NRG3: variants seen among roughly 807,000 people sequenced by gnomAD.
NRG3 encodes pro-neuregulin-3, membrane-bound isoform.
NRG3 carries 31 observed loss-of-function variants against 66.9 expected under a neutral mutation model. That is an observed-to-expected ratio of 0.46 (90% confidence interval 0.35 to 0.63). The LOEUF is 0.63. Among genes scored for constraint, NRG3 ranks in the 20% least tolerant of loss-of-function variants. The probability of loss-of-function intolerance (pLI) is 0.00; values close to 1 mark genes in which losing one functional copy is unlikely to be tolerated. For missense variants in NRG3, 910 were observed against 878.9 expected (o/e 1.04, Z -0.45); for synonymous variants, 393 against 359.4 (o/e 1.09, Z -1.06).
intron 2 of NRG3, among the ~76,000 whole-genome samples, chr10:82,677,512 T>C (rs1195621563): frequency 6.6e-6 from 1 of 152,188 alleles, no homozygotes. Context: ...CTTGCTTTTT[T>C]CTCATCTTTC....
chr10:82,082,199 A>T (rs1486648730), intron 1 of NRG3, among the ~76,000 whole-genome samples: 2 of 152,160 alleles, frequency 1.3e-5, no homozygotes, highest in African/African-American at 4.8e-5. Flanking sequence ...TGTAAGAAAA[A>T]TGTCCCACTC....
intron 2 of NRG3, among the ~76,000 whole-genome samples, chr10:82,711,176 T>C (rs908126618): frequency 1.3e-5 from 2 of 152,194 alleles, no homozygotes; most frequent in African/African-American, 4.8e-5. Flanking sequence ...ACTTCTGGGC[T>C]CAAGTGATCT....
At chr10:82,520,516 C>T (rs376150662) in intron 2 of NRG3, among the ~76,000 whole-genome samples, 2 of 152,034 alleles carry the variant, frequency 1.3e-5, no homozygotes, top group South Asian at 4.2e-4. Flanking sequence ...TCATCTCAAC[C>T]AGCTTCTCTC....
At chr10:81,961,678 T>C (rs748587271) in intron 1 of NRG3, among the ~76,000 whole-genome samples, 2 of 152,262 alleles carry the variant, frequency 1.3e-5, no homozygotes, top group Non-Finnish European at 2.9e-5. Context: ...GAAACAGCTT[T>C]AACTGTGTCC....
At chr10:82,028,758 A>G (rs1174178320) in intron 1 of NRG3, among the ~76,000 whole-genome samples, 1 of 152,046 alleles carries the variant, frequency 6.6e-6, no homozygotes, top group Non-Finnish European at 1.5e-5. Flanking sequence ...CAGTTCCTGG[A>G]TGTATTGTAT....
chr10:81,982,835 G>A (rs1232276599), intron 1 of NRG3, among the ~76,000 whole-genome samples: 2 of 152,142 alleles, frequency 1.3e-5, no homozygotes, highest in Non-Finnish European at 2.9e-5. Flanking sequence ...CTGGGAGTTA[G>A]CGTTTCAACA....
intron 1 of NRG3, among the ~76,000 whole-genome samples, chr10:82,075,954 TA>T (rs35298857): frequency 0.036 from 5,240 of 147,444 alleles, 118 homozygotes; most frequent in East Asian, 0.1. Flanking sequence ...TAAACATAGT[TA>T]AAAAAAAAAA....
chr10:82,775,206 A>G (rs2059866291), intron 3 of NRG3, among the ~76,000 whole-genome samples: 1 of 143,866 alleles, frequency 7.0e-6, no homozygotes, highest in Admixed American at 6.8e-5. Context: ...AGGGCTATAT[A>G]TTTGGGATCT....
chr10:82,659,884 A>G (rs913577722), intron 2 of NRG3, among the ~76,000 whole-genome samples: 1 of 151,932 alleles, frequency 6.6e-6, no homozygotes, highest in Non-Finnish European at 1.5e-5. Flanking sequence ...CACAGTTGCT[A>G]AAGGAGGACA....
chr10:82,832,668 T>A (rs1045426104), intron 3 of NRG3, among the ~76,000 whole-genome samples: 11 of 152,170 alleles, frequency 7.2e-5, no homozygotes, highest in African/African-American at 2.4e-4. Context: ...TTTATATAAA[T>A]AACTTTGCAA....
chr10:82,970,007 A>G (rs1247513910), intron 6 of NRG3, among the ~76,000 whole-genome samples: 2 of 152,086 alleles, frequency 1.3e-5, no homozygotes, highest in Admixed American at 6.6e-5. Flanking sequence ...ATTCTTTTCA[A>G]TGGCTGTGTA....
At chr10:82,600,126 A>T (rs1363395269) in intron 2 of NRG3, among the ~76,000 whole-genome samples, 2 of 152,142 alleles carry the variant, frequency 1.3e-5, no homozygotes, top group Admixed American at 1.3e-4. Flanking sequence ...TGTGGATGGC[A>T]TACTTCCCTT....
intron 4 of NRG3, among the ~76,000 whole-genome samples, chr10:82,901,153 G>A (rs1564615855): frequency 1.3e-5 from 2 of 152,152 alleles, no homozygotes; most frequent in Admixed American, 6.6e-5. Context: ...CTCCTGTACT[G>A]AGAGCGCTTG....
intron 1 of NRG3, among the ~76,000 whole-genome samples, chr10:82,050,317 C>T (rs2063531682): frequency 6.8e-6 from 1 of 147,990 alleles, no homozygotes; most frequent in African/African-American, 2.5e-5. Flanking sequence ...AATGGCAAAA[C>T]CTGCAATTAC....
At chr10:82,857,978 T>G (rs533983555) in intron 3 of NRG3, among the ~76,000 whole-genome samples, 1 of 152,268 alleles carries the variant, frequency 6.6e-6, no homozygotes, top group African/African-American at 2.4e-5. Context: ...AAAGGAGCTT[T>G]TCTGCCTCGC....
At chr10:82,335,568 C>T (rs1009996471) in intron 1 of NRG3, among the ~76,000 whole-genome samples, 8 of 151,908 alleles carry the variant, frequency 5.3e-5, no homozygotes, top group African/African-American at 1.9e-4. Context: ...CACTTGAGCC[C>T]AGAAGTTTAA....
chr10:82,809,764 T>C (rs2061420201), intron 3 of NRG3, among the ~76,000 whole-genome samples: 1 of 152,178 alleles, frequency 6.6e-6, no homozygotes, highest in South Asian at 2.1e-4. Context: ...GAAATATTCA[T>C]CTTTAATTCT....
chr10:82,478,781 C>T lies in NRG3; in HGVS notation c.953+119913C>T, dbSNP rs373193692. Among the ~76,000 whole-genome samples, 75 of 152,236 alleles carry T rather than the reference C, an allele frequency of 4.9e-4. No homozygotes were observed. In the East Asian group the frequency reaches 7.7e-3, roughly 16 times the overall value. ...TCCTATTATATCCTTTTATATGCCA[C>T]GCCAGTTGAAACTTGGAAATAATTA... On this transcript the variant is annotated intron_variant, in intron 2 of 8. Coordinates refer to ENST00000372141, the MANE Select transcript of NRG3 (RefSeq NM_001010848.4).
intron 1 of NRG3, among the ~76,000 whole-genome samples, chr10:82,125,857 C>G (rs1227752418): frequency 6.6e-6 from 1 of 152,036 alleles, no homozygotes; most frequent in Non-Finnish European, 1.5e-5. Context: ...AAGGCACCGT[C>G]AGGTCTCCCT....
Sources: gnomAD v4.1 joint callset for allele counts (sites outside exome capture counted in the v4.1 genomes callset) on GRCh38, gnomAD v4.1.1 for gene constraint, MANE v1.5 for transcripts, NCBI Gene and HGNC (gene_info 2026-07-23, HGNC 2026-07-21) for gene names.